EYA2: variants seen among roughly 807,000 people sequenced by gnomAD.
EYA2 encodes the protein protein phosphatase EYA2.
A neutral mutation model predicts 69.2 loss-of-function variants in EYA2; 31 were observed. The ratio of observed to expected loss-of-function variants is 0.45; its 90% CI spans 0.34 to 0.60. EYA2 has a LOEUF of 0.60. Ranked by LOEUF, EYA2 falls within the 20% of genes least tolerant of loss-of-function variation. EYA2 has a pLI of 0.02. For missense variants in EYA2, 622 were observed against 701.2 expected (o/e 0.89, Z 1.28); for synonymous variants, 257 against 279.4 (o/e 0.92, Z 0.80).
chr20:47,126,245 T>C (rs1215905099), intron 9 of EYA2, among the ~76,000 whole-genome samples: 1 of 152,206 alleles, frequency 6.6e-6, no homozygotes, highest in Non-Finnish European at 1.5e-5. Flanking sequence ...GGCAGCCCAG[T>C]GCAAATGCTA....
intron 2 of EYA2, among the ~76,000 whole-genome samples, chr20:46,994,003 A>G (rs918219070): frequency 2.0e-5 from 3 of 152,248 alleles, no homozygotes; most frequent in Non-Finnish European, 4.4e-5. Flanking sequence ...CCTGTTTAGC[A>G]TGCAACTTAG....
At chr20:46,942,596 G>A (rs116932420) in intron 1 of EYA2, among the ~76,000 whole-genome samples, 1 of 152,240 alleles carries the variant, frequency 6.6e-6, no homozygotes, top group Non-Finnish European at 1.5e-5. Flanking sequence ...CCCAGCTTTC[G>A]AGGGATCACA....
At chr20:46,905,144 C>G (rs899483380) in intron 1 of EYA2, among the ~76,000 whole-genome samples, 4 of 151,680 alleles carry the variant, frequency 2.6e-5, no homozygotes, top group African/African-American at 9.7e-5. Context: ...AAATGGCTCA[C>G]AGGAGTTATT....
chr20:47,047,370 C>G (rs1307419751), intron 5 of EYA2, among the ~76,000 whole-genome samples: 1 of 150,970 alleles, frequency 6.6e-6, no homozygotes, highest in African/African-American at 2.4e-5. Context: ...TGAGCAGGCA[C>G]TGCTTTATTT....
chr20:47,027,037 T>A (rs6124921), intron 5 of EYA2, among the ~76,000 whole-genome samples: 100,303 of 152,170 alleles, frequency 0.66, 35,600 homozygotes, highest in Non-Finnish European at 0.8. Context: ...TCCCGAGATG[T>A]CTAGATGGGG....
chr20:47,142,422 T>A (rs1424773752), intron 9 of EYA2, among the ~76,000 whole-genome samples: 1 of 152,258 alleles, frequency 6.6e-6, no homozygotes, highest in African/African-American at 2.4e-5. Flanking sequence ...TAGTACTGTA[T>A]CTCTTGATGA....
intron 5 of EYA2, among the ~76,000 whole-genome samples, chr20:47,032,056 CATTT>C (rs1390152286): frequency 1.3e-5 from 2 of 152,244 alleles, no homozygotes; most frequent in African/African-American, 4.8e-5. Context: ...GGCAGGGAGC[CATTT>C]ATTAGAGAGG....
intron 1 of EYA2, among the ~76,000 whole-genome samples, chr20:46,978,949 T>C (rs1980637196): frequency 6.6e-6 from 1 of 152,244 alleles, no homozygotes; most frequent in Admixed American, 6.5e-5. Flanking sequence ...GGAAATTGAA[T>C]GAGGCTGGTG....
intron 5 of EYA2, among the ~76,000 whole-genome samples, chr20:47,032,183 T>TGC (rs994807627): frequency 6.6e-6 from 1 of 152,224 alleles, no homozygotes; most frequent in Non-Finnish European, 1.5e-5. Context: ...ACCAGATTTT[T>TGC]GCTGCTCCTA....
chr20:47,096,779 T>C (rs111851555), intron 8 of EYA2, among the ~76,000 whole-genome samples: 205 of 152,308 alleles, frequency 1.3e-3, no homozygotes, highest in Middle Eastern at 0.01. Flanking sequence ...AAACGAGTTA[T>C]ATGATTTTCG....
intron 1 of EYA2, among the ~76,000 whole-genome samples, chr20:46,959,214 C>A (rs1979319837): frequency 6.6e-6 from 1 of 152,178 alleles, no homozygotes; most frequent in African/African-American, 2.4e-5. Flanking sequence ...TGCAGAATGA[C>A]CTGACTGAGT....
intron 1 of EYA2, among the ~76,000 whole-genome samples, chr20:46,976,864 C>T (rs1980498746): frequency 6.6e-6 from 1 of 152,020 alleles, no homozygotes; most frequent in Non-Finnish European, 1.5e-5. Flanking sequence ...GGTATCACTT[C>T]TAGAGAACTC....
intron 4 of EYA2, among the ~76,000 whole-genome samples, chr20:47,009,155 C>G (rs1278528105): frequency 3.9e-5 from 6 of 152,160 alleles, no homozygotes. Flanking sequence ...GTCACCTGTC[C>G]CAGTAGAAGC....
chr20:47,103,528 G>T (rs1019830022), intron 9 of EYA2, among the ~76,000 whole-genome samples: 2 of 152,188 alleles, frequency 1.3e-5, no homozygotes, highest in South Asian at 2.1e-4. Context: ...TGCGTGGCTG[G>T]AGAGGCCTCA....
At chr20:46,978,024 C>T (rs1568699255) in intron 1 of EYA2, among the ~76,000 whole-genome samples, 1 of 152,206 alleles carries the variant, frequency 6.6e-6, no homozygotes, top group Non-Finnish European at 1.5e-5. Flanking sequence ...AAAAGGCAGT[C>T]TGCAGTCCCG....
At chr20:46,911,832 A>C (rs1271894601) in intron 1 of EYA2, among the ~76,000 whole-genome samples, 1 of 152,154 alleles carries the variant, frequency 6.6e-6, no homozygotes, top group Non-Finnish European at 1.5e-5. Flanking sequence ...ATGGGTAGAA[A>C]CATACAGCTA....
chr20:46,951,273 A>AT (rs910216976), intron 1 of EYA2, among the ~76,000 whole-genome samples: 34 of 151,970 alleles, frequency 2.2e-4, no homozygotes, highest in East Asian at 9.7e-4. Flanking sequence ...TCATGGAGGG[A>AT]TTTTTTCTGT....
intron 10 of EYA2, among the ~76,000 whole-genome samples, chr20:47,167,280 C>CTTTTTTTTTT (rs11470455): frequency 3.6e-5 from 4 of 111,728 alleles, no homozygotes; most frequent in Non-Finnish European, 5.2e-5. Flanking sequence ...GGTTTTTTTA[C>CTTTTTTTTTT]TTTTTTTTTT....
chr20:47,036,367 A>G (rs1480287175), intron 5 of EYA2, among the ~76,000 whole-genome samples: 3 of 152,240 alleles, frequency 2.0e-5, no homozygotes, highest in Non-Finnish European at 4.4e-5. Context: ...ATTTTGAAAT[A>G]AAGACAGACT....
Sources: gnomAD v4.1 joint callset for allele counts (sites outside exome capture counted in the v4.1 genomes callset) on GRCh38, gnomAD v4.1.1 for gene constraint, MANE v1.5 for transcripts, NCBI Gene and HGNC (gene_info 2026-07-23, HGNC 2026-07-21) for gene names.